PIGN: variants seen among roughly 807,000 people sequenced by gnomAD.
PIGN encodes the protein GPI ethanolamine phosphate transferase 1.
In PIGN, 117 loss-of-function variants were observed where a neutral mutation model predicts 125.4. That is an observed-to-expected ratio of 0.93 (90% CI 0.80 to 1.09). The LOEUF is 1.09. Among genes scored for constraint, PIGN ranks in the 50% least tolerant of loss-of-function variants. PIGN has a pLI of 0.00. For missense variants in PIGN, 1,075 were observed against 1,094.9 expected (o/e 0.98, Z 0.26); for synonymous variants, 392 against 377.8 (o/e 1.04, Z -0.44).
At chr18:62,164,655 G>A (rs763534475) in intron 1 of PIGN, among the ~76,000 whole-genome samples, 2 of 152,130 alleles carry the variant, frequency 1.3e-5, no homozygotes, top group South Asian at 4.1e-4. Flanking sequence ...TACAATTCGA[G>A]ATGGGATTTG....
intron 1 of PIGN, among the ~76,000 whole-genome samples, chr18:62,175,085 A>ATC (rs5825483): frequency 7.0e-6 from 1 of 142,622 alleles, no homozygotes; most frequent in East Asian, 2.0e-4. Context: ...TATTTAATAT[A>ATC]TCTAATATAT....
rs1345467861 is a variant in PIGN at position 62,071,894 on chromosome 18, A to G, written c.2672+779T>C. Reference sequence around the variant, plus strand: ...TATATATATATATATATATATATATATATATATATATATATAAATTTAACT... The same window carrying G: ...TATATATATATATATATATATATATGTATATATATATATATAAATTTAACT... On this transcript the variant is annotated intron_variant, in intron 30 of 30. Coordinates refer to ENST00000640252, the MANE Select transcript of PIGN (RefSeq NM_176787.5). Among the ~76,000 whole-genome samples, 27 of 128,852 alleles carry G rather than the reference A, an allele frequency of 2.1e-4. 1 individual carries two copies. The highest frequency in any genetic ancestry group is 7.5e-4 in the African/African-American group (26 of 34,744). 84.5% of individuals were successfully genotyped at this position (128,852 alleles called of 152,430 possible).
At chr18:62,060,438 C>A (rs2145391787) in intron 30 of PIGN, among the ~76,000 whole-genome samples, 1 of 152,322 alleles carries the variant, frequency 6.6e-6, no homozygotes, top group East Asian at 1.9e-4. Context: ...AGAAGCAGGT[C>A]ATACCTGTTC....
At chr18:62,077,405 T>G (rs1269754959) in intron 28 of PIGN, among the ~76,000 whole-genome samples, 2 of 152,164 alleles carry the variant, frequency 1.3e-5, no homozygotes, top group East Asian at 3.9e-4. Flanking sequence ...AACAAAACCT[T>G]TAAAAAACCT....
At chr18:62,119,957 C>T (rs943435144) in intron 14 of PIGN, among the ~76,000 whole-genome samples, 6 of 151,758 alleles carry the variant, frequency 4.0e-5, no homozygotes, top group Non-Finnish European at 8.8e-5. Context: ...AAATAGAATG[C>T]GAGTCATGAT....
chr18:62,145,955 A>G lies in PIGN; in HGVS notation c.876T>C (p.Tyr292=). ...PLVTWGAGIK[Y]PQRVSAQQFD... ...ATTGCTGAGCTGATACTCTTTGGGG[A>G]TACTTGATTCCAGCTCCCCAAGTGA... is the stretch of plus-strand genomic sequence containing the variant. Residue 292 remains tyrosine (Y), a synonymous_variant, in exon 10 of 31, where the codon TAT becomes TAC. Coordinates refer to ENST00000640252, the MANE Select transcript of PIGN (RefSeq NM_176787.5). 1.2e-6 allele frequency: 2 copies of G among 1,609,094 alleles called. No homozygotes were observed. Among genetic ancestry groups the G allele is most frequent in the South Asian group, 1.1e-5 (1 of 90,442 alleles).
chr18:62,167,754 G>T (rs2037205673), intron 1 of PIGN, among the ~76,000 whole-genome samples: 1 of 150,688 alleles, frequency 6.6e-6, no homozygotes, highest in African/African-American at 2.4e-5. Context: ...ACTTATTGTA[G>T]ATAATATATT....
intron 23 of PIGN, among the ~76,000 whole-genome samples, chr18:62,027,323 A>G (rs1046685109): frequency 6.6e-6 from 1 of 152,178 alleles, no homozygotes; most frequent in Non-Finnish European, 1.5e-5. Context: ...GTTAACTTAG[A>G]AAGTTTATTT....
At chr18:62,105,493 A>G in intron 20 of PIGN, 50 bp downstream of exon 20, 1 of 1,057,820 alleles carries the variant, frequency 9.5e-7, no homozygotes, top group African/African-American at 1.6e-5. Flanking sequence ...GTGTTAATTG[A>G]GGAAAAAAAA....
At chr18:62,108,772 G>A (rs538310155) in intron 17 of PIGN, among the ~76,000 whole-genome samples, 1 of 152,140 alleles carries the variant, frequency 6.6e-6, no homozygotes, top group South Asian at 2.1e-4. Flanking sequence ...TGTATTTTTA[G>A]TAGAAACATT....
intron 1 of PIGN, 23 bp from the exon 2 acceptor site, chr18:62,163,679 A>T (rs2037032951): frequency 6.6e-6 from 1 of 152,202 alleles, no homozygotes. Context: ...ACATTAAAAA[A>T]ATTGTTAAAA....
rs1158823317 is a variant in PIGN at position 62,044,796 on chromosome 18, C to A, written c.*1060G>T. 1 of 152,188 alleles carries A rather than the reference C, an allele frequency of 6.6e-6. No individual in the cohort carries two copies. The highest frequency in any genetic ancestry group is 1.5e-5 in the Non-Finnish European group (1 of 68,030). 9.4% of individuals were successfully genotyped at this position (152,188 alleles called of 1,614,324 possible). On this transcript the variant is annotated 3_prime_UTR_variant, in exon 31 of 31. Transcript: ENST00000640252. ...TTAGCATCAGCCAAAGCTACTAGCA[C>A]ACCACGGGCAAAAGGCCAACTCTGC...
intron 28 of PIGN, among the ~76,000 whole-genome samples, chr18:62,081,433 T>C (rs1372573564): frequency 6.6e-6 from 1 of 152,160 alleles, no homozygotes; most frequent in African/African-American, 2.4e-5. Context: ...GTCAGTGTGA[T>C]ATCCAGGAAG....
At chr18:62,108,597 ATT>A (rs5825477) in intron 17 of PIGN, among the ~76,000 whole-genome samples, 3 of 149,114 alleles carry the variant, frequency 2.0e-5, no homozygotes, top group Admixed American at 6.7e-5. Context: ...TTTTAAGTTA[ATT>A]TTTTTTTTTG....
intron 17 of PIGN, among the ~76,000 whole-genome samples, chr18:62,107,879 C>T (rs1256668265): frequency 6.6e-6 from 1 of 152,072 alleles, no homozygotes; most frequent in Non-Finnish European, 1.5e-5. Context: ...ATAACCTTTT[C>T]CAAACCCAAT....
At position 62,161,149 on chromosome 18, in the gene PIGN, T is replaced by C. The variant is rs1389624822; in HGVS notation, c.205A>G (p.Arg69Gly). 3.7e-6 allele frequency: 6 copies of C among 1,611,390 alleles called. No individual in the cohort carries two copies. Among genetic ancestry groups the C allele is most frequent in the South Asian group, 1.1e-5 (1 of 90,970 alleles). Residue 69 changes from arginine (R) to glycine (G), a missense_variant, in exon 4 of 31, where the codon AGA (arginine) becomes GGA (glycine). Arg to Gly is a moderately radical substitution (Grantham distance 125). This residue lies in a region of PIGN where 152 missense variants were observed against 162.9 expected (regional missense o/e 0.93). Coordinates refer to ENST00000640252, the MANE Select transcript of PIGN (RefSeq NM_176787.5). ...LYELDENGNS[R>G]APFIRNIIMH... ...CATGCTTACCTAATAAACGGTGCTC[T>C]AGAGTTTCCATTTTCATCTAATTCG...
chr18:62,074,125 A>T (rs1450129461), intron 29 of PIGN, among the ~76,000 whole-genome samples: 2 of 152,230 alleles, frequency 1.3e-5, no homozygotes, highest in African/African-American at 4.8e-5. Flanking sequence ...TTCCACAGGG[A>T]GAAACAGAAG....
At chr18:62,100,146 A>C (rs545361197) in intron 22 of PIGN, among the ~76,000 whole-genome samples, 3 of 152,276 alleles carry the variant, frequency 2.0e-5, no homozygotes, top group Non-Finnish European at 4.4e-5. Flanking sequence ...CAACTAAAAA[A>C]TGGGCAAATG....
At chr18:62,085,138 C>G (rs2033637031) in intron 26 of PIGN, 71 bp downstream of exon 26, 1 of 852,958 alleles carries the variant, frequency 1.2e-6, no homozygotes, top group Non-Finnish European at 1.9e-6. Context: ...AGGTACAGAA[C>G]AAAAGGTATA....
Sources: allele counts gnomAD v4.1 joint callset (sites outside exome capture counted in the v4.1 genomes callset), GRCh38; gene constraint gnomAD v4.1.1; regional missense constraint gnomAD v4.1.1; transcripts MANE v1.5; gene names NCBI Gene and HGNC (gene_info 2026-07-23, HGNC 2026-07-21).